The following CNIH3 variants were observed in gnomAD, a reference collection of about 807,000 sequenced individuals.
The protein encoded by CNIH3 is protein cornichon homolog 3.
A neutral mutation model predicts 24.1 loss-of-function variants in CNIH3; 14 were observed. The ratio of observed to expected loss-of-function variants is 0.58; its 90% confidence interval spans 0.38 to 0.91. The LOEUF is 0.91. CNIH3 is among the 40% of genes least tolerant of loss of function. The probability of loss-of-function intolerance (pLI) is 0.00; values close to 1 mark genes in which losing one functional copy is unlikely to be tolerated. For missense variants in CNIH3, 178 were observed against 196.8 expected (o/e 0.90, Z 0.57); for synonymous variants, 68 against 73.8 (o/e 0.92, Z 0.40).
At chr1:224,712,390 G>T (rs1451006209) in intron 3 of CNIH3, among the ~76,000 whole-genome samples, 1 of 152,180 alleles carries the variant, frequency 6.6e-6, no homozygotes, top group Non-Finnish European at 1.5e-5. Flanking sequence ...GTCCTGCTGT[G>T]TGTTGTGGGT....
chr1:224,647,329 C>T (rs2125100186), intron 1 of CNIH3, among the ~76,000 whole-genome samples: 1 of 152,288 alleles, frequency 6.6e-6, no homozygotes, highest in Non-Finnish European at 1.5e-5. Flanking sequence ...TTAAAGGGGG[C>T]TTGAATTCCT....
intron 1 of CNIH3, among the ~76,000 whole-genome samples, chr1:224,663,274 G>T (rs1168871521): frequency 6.6e-6 from 1 of 152,022 alleles, no homozygotes; most frequent in Non-Finnish European, 1.5e-5. Context: ...TTGCTCTCTG[G>T]GCCCACAACT....
intron 1 of CNIH3, among the ~76,000 whole-genome samples, chr1:224,642,483 G>C (rs1412407561): frequency 6.6e-6 from 1 of 152,110 alleles, no homozygotes; most frequent in Non-Finnish European, 1.5e-5. Flanking sequence ...ACCTGCCTTG[G>C]CCTCTCAAAG....
chr1:224,523,470 T>TGTAA (rs1223471532), intron 2 of CNIH3, among the ~76,000 whole-genome samples: 1 of 152,202 alleles, frequency 6.6e-6, no homozygotes, highest in East Asian at 1.9e-4. Flanking sequence ...GTCTCATTTA[T>TGTAA]GTAAGACTCA....
chr1:224,614,130 T>A (rs1558212181), upstream of CNIH3, among the ~76,000 whole-genome samples: 1 of 152,136 alleles, frequency 6.6e-6, no homozygotes, highest in African/African-American at 2.4e-5. Flanking sequence ...TCTGCCCACC[T>A]CGACCTCCCC....
chr1:224,721,678 C>G (rs536068232), intron 3 of CNIH3, among the ~76,000 whole-genome samples: 1 of 152,190 alleles, frequency 6.6e-6, no homozygotes, highest in East Asian at 1.9e-4. Context: ...AGGCTGGAAT[C>G]CAAAGGTTTG....
chr1:224,716,629 G>T (rs2125213370), intron 3 of CNIH3, among the ~76,000 whole-genome samples: 1 of 152,222 alleles, frequency 6.6e-6, no homozygotes, highest in South Asian at 2.1e-4. Context: ...TACAGTGTGG[G>T]GACCGTGGGG....
exon 1 of CNIH3, chr1:224,434,738 C>CTCGGA: frequency 1.0e-6 from 1 of 986,616 alleles, no homozygotes; most frequent in Non-Finnish European, 1.2e-6. Flanking sequence ...CGCCTCTGTC[C>CTCGGA]TCGGATCCGC....
rs1430236180 is a variant in CNIH3 at position 224,703,310 on chromosome 1, T to C, written c.198+18467T>C. Among the ~76,000 whole-genome samples, 1 of 151,934 alleles carries C rather than the reference T, an allele frequency of 6.6e-6. No homozygotes were observed. The highest frequency in any genetic ancestry group is 2.1e-4 in the South Asian group (1 of 4,808). ...GCTGAGCCACGATGGGCAGCTTGAA[T>C]GTGTTAATGAACATGAAGCCTGCTT... is the stretch of plus-strand genomic sequence containing the variant. On this transcript the variant is annotated intron_variant, in intron 3 of 5. Transcript: ENST00000272133. This position sits in a 1 kb window ranked among gnomAD's most constrained non-coding sequence, Gnocchi z 4.2.
intron 1 of CNIH3, among the ~76,000 whole-genome samples, chr1:224,486,285 T>G (rs1275451371): frequency 1.3e-5 from 2 of 150,338 alleles, no homozygotes; most frequent in African/African-American, 4.9e-5. Flanking sequence ...TTTGTGGGGT[T>G]TTTTTTTTGT....
rs1048746610 is a variant in CNIH3, at chr1:224,703,196, G to C, written c.198+18353G>C. Among the ~76,000 whole-genome samples the C allele has an allele frequency of 6.6e-6, 1 of 152,096 alleles. No individual in the cohort carries two copies. Among genetic ancestry groups the C allele is most frequent in the Non-Finnish European group, 1.5e-5 (1 of 68,024 alleles). ...CCTGTTGGAGGGGCCAGATTTTGAG[G>C]AGCCAGTGACCTAGTGTCTGTGCAT... On this transcript the variant is annotated intron_variant, in intron 3 of 5. Coordinates refer to ENST00000272133, the MANE Select transcript of CNIH3 (RefSeq NM_152495.2). This position sits in a 1 kb window ranked among gnomAD's most constrained non-coding sequence, Gnocchi z 4.2.
chr1:224,617,549 T>C (rs1558217279), intron 1 of CNIH3, among the ~76,000 whole-genome samples: 1 of 151,972 alleles, frequency 6.6e-6, no homozygotes, highest in Non-Finnish European at 1.5e-5. Context: ...ACTAACCCCT[T>C]CCTCTCCCGC....
rs117236755 is a variant in CNIH3 at position 224,652,091 on chromosome 1, C to G, written c.82-28867C>G. 2.8e-3 allele frequency among the ~76,000 whole-genome samples: 428 copies of G among 152,124 alleles called. 8 individuals carry two copies. The East Asian group carries it at 0.029, about 10-fold the overall frequency. On this transcript the variant is annotated intron_variant, in intron 1 of 5. Coordinates refer to ENST00000272133, the MANE Select transcript of CNIH3 (RefSeq NM_152495.2). ...GAGAAACTTTCATAACATTATTGAC[C>G]TGTTGGATATTCTTGCAAAGCAGGA...
chr1:224,609,511 G>C (rs1430673414), intron 3 of CNIH3, among the ~76,000 whole-genome samples: 2 of 152,158 alleles, frequency 1.3e-5, no homozygotes, highest in Non-Finnish European at 2.9e-5. Context: ...CTGGATTTAA[G>C]CTGGAGGATG....
intron 1 of CNIH3, among the ~76,000 whole-genome samples, chr1:224,482,048 G>T (rs138978827): frequency 2.0e-5 from 3 of 152,254 alleles, no homozygotes; most frequent in African/African-American, 7.2e-5. Context: ...GCAGTGCTAG[G>T]ATACTGCGGA....
intron 2 of CNIH3, among the ~76,000 whole-genome samples, chr1:224,545,433 T>A (rs1679667003): frequency 6.6e-6 from 1 of 152,202 alleles, no homozygotes; most frequent in South Asian, 2.1e-4. Flanking sequence ...TCTTTAAAAA[T>A]ACGTATTTCA....
chr1:224,505,275 G>C (rs904711909), intron 1 of CNIH3, among the ~76,000 whole-genome samples: 2 of 150,196 alleles, frequency 1.3e-5, no homozygotes, highest in East Asian at 3.9e-4. Context: ...CTGTAGCCGG[G>C]GTGACAAAGC....
chr1:224,457,790 G>A (rs945575152), intron 1 of CNIH3, among the ~76,000 whole-genome samples: 4 of 152,160 alleles, frequency 2.6e-5, no homozygotes, highest in East Asian at 3.8e-4. Flanking sequence ...CACCTCCAAT[G>A]TCAGTGTCAA....
At chr1:224,632,091 A>G (rs996061530) in intron 1 of CNIH3, among the ~76,000 whole-genome samples, 1 of 152,202 alleles carries the variant, frequency 6.6e-6, no homozygotes, top group African/African-American at 2.4e-5. Flanking sequence ...TGGGAGGTCC[A>G]GGGCCAGGAA....
Sources: allele counts gnomAD v4.1 joint callset (sites outside exome capture counted in the v4.1 genomes callset), GRCh38; gene constraint gnomAD v4.1.1; non-coding constraint Gnocchi (gnomAD v3.1); transcripts MANE v1.5; gene names NCBI Gene and HGNC (gene_info 2026-07-23, HGNC 2026-07-21).